The following CCDC3 variants were observed in gnomAD, a reference collection of about 807,000 sequenced individuals.
CCDC3 encodes coiled-coil domain containing 3.
Under a neutral mutation model 21.4 loss-of-function variants are expected in CCDC3, and 24 were observed. The ratio of observed to expected loss-of-function variants is 1.12; its 90% CI spans 0.81 to 1.58. The LOEUF (loss-of-function observed/expected upper bound fraction) is 1.58, where lower values mean the gene tolerates loss of function less well. Among genes scored for constraint, CCDC3 ranks in the 40% most tolerant of loss-of-function variants. The pLI is 0.00. For missense variants in CCDC3, 425 were observed against 360.9 expected (o/e 1.18, Z -1.44); for synonymous variants, 186 against 166.0 (o/e 1.12, Z -0.93).
At position 12,931,216 on chromosome 10, in the gene CCDC3, A is replaced by AAAG. The variant is rs1431275826; in HGVS notation, c.550-32538_550-32537insCTT. 6.6e-5 allele frequency among the ~76,000 whole-genome samples: 9 copies of AAAG among 136,972 alleles called. 1 individual carries two copies. Among genetic ancestry groups the AAAG allele is most frequent in the African/African-American group, 2.5e-4 (8 of 31,714 alleles). 89.9% of individuals were successfully genotyped at this position (136,972 alleles called of 152,430 possible). A position where few individuals can be genotyped will look rare whatever the true frequency, so the allele number is the denominator to read the frequency against. On this transcript the variant is annotated intron_variant, in intron 2 of 2. Coordinates refer to ENST00000378825, the MANE Select transcript of CCDC3 (RefSeq NM_031455.4). Reference sequence around the variant, plus strand: ...ACAGAGCAAGACTCTGTCAAAAAAAAAAAAAAAAAAAAAAAAAATTAAAGC... The same window carrying AAAG: ...ACAGAGCAAGACTCTGTCAAAAAAAAAAGAAAAAAAAAAAAAAAAAATTAAAGC...
chr10:12,918,551 C>G (rs1397713220), intron 2 of CCDC3, among the ~76,000 whole-genome samples: 1 of 152,194 alleles, frequency 6.6e-6, no homozygotes, highest in Non-Finnish European at 1.5e-5. Context: ...ATAAAAGTTG[C>G]ATTTCCCCTT....
intron 3 of CCDC3, among the ~76,000 whole-genome samples, chr10:13,094,242 AGAT>A (rs71386151): frequency 0.28 from 40,990 of 146,474 alleles, 5,728 homozygotes; most frequent in Middle Eastern, 0.39. Context: ...TTACTTTTCA[AGAT>A]GATGATGATG....
intron 3 of CCDC3, among the ~76,000 whole-genome samples, chr10:13,079,174 T>A (rs1022496416): frequency 2.6e-5 from 4 of 152,252 alleles, no homozygotes; most frequent in African/African-American, 9.6e-5. Context: ...AAGCATTCTG[T>A]TTTTGAATAA....
chr10:13,015,430 C>G (rs892114621), intron 5 of CCDC3, among the ~76,000 whole-genome samples: 2 of 152,048 alleles, frequency 1.3e-5, no homozygotes, highest in African/African-American at 4.8e-5. Context: ...TACCCTGGGT[C>G]TTCTGGCATT....
intron 2 of CCDC3, among the ~76,000 whole-genome samples, chr10:12,968,982 A>T (rs998912320): frequency 2.0e-5 from 3 of 152,198 alleles, no homozygotes; most frequent in African/African-American, 2.4e-5. Flanking sequence ...ACAAAATGGC[A>T]ATAGTACATC....
rs1834019803 is a variant in CCDC3, at chr10:12,897,572, T to G, written c.*844A>C. 6.6e-6 allele frequency: 1 copy of G among 152,162 alleles called. No homozygotes were observed. The highest frequency in any genetic ancestry group is 1.5e-5 in the Non-Finnish European group (1 of 68,028). The allele number at this position is 152,162 out of a possible 1,614,324, so 9.4% of individuals were successfully genotyped here. ...TCACAGCGTCTTGGAGCACCTCACT[T>G]TGAGTTCAGAGACATTAGAAACAAT... On this transcript the variant is annotated 3_prime_UTR_variant, in exon 3 of 3. Transcript: ENST00000378825.
At chr10:13,097,307 C>G (rs1470313566) in intron 3 of CCDC3, among the ~76,000 whole-genome samples, 1 of 152,182 alleles carries the variant, frequency 6.6e-6, no homozygotes, top group East Asian at 1.9e-4. Context: ...AGAACCGGCT[C>G]TAACACAAGC....
At chr10:12,968,431 C>A (rs2131262574) in intron 2 of CCDC3, among the ~76,000 whole-genome samples, 1 of 152,230 alleles carries the variant, frequency 6.6e-6, no homozygotes, top group East Asian at 1.9e-4. Flanking sequence ...CTTTTCCCAA[C>A]AAACAAAAGC....
At chr10:12,948,963 C>T (rs551413373) in intron 2 of CCDC3, among the ~76,000 whole-genome samples, 1 of 152,094 alleles carries the variant, frequency 6.6e-6, no homozygotes, top group African/African-American at 2.4e-5. Flanking sequence ...GATCTCCTGA[C>T]CTCGTGATCC....
rs186984929 is a variant in CCDC3, at chr10:13,025,765, G to C, written c.-2+23909C>G. Among the ~76,000 whole-genome samples the C allele has an allele frequency of 3.6e-3, 550 of 152,230 alleles. 3 individuals carry two copies. The highest frequency in any genetic ancestry group is 0.013 in the African/African-American group (529 of 41,506). ...TTTTGTAACTTGAGTCTCACTCTCA[G>C]ATCAAGAACACTTTGCAGAAAAGGA... On this transcript the variant is annotated intron_variant, in intron 5 of 6. Coordinates refer to the CCDC3 transcript ENST00000378839.
At chr10:12,931,497 G>C (rs972517102) in intron 2 of CCDC3, among the ~76,000 whole-genome samples, 2 of 152,192 alleles carry the variant, frequency 1.3e-5, no homozygotes, top group African/African-American at 4.8e-5. Context: ...TCTGAAAGGT[G>C]CAAGTGGAAG....
At chr10:13,020,994 A>C (rs1589042379) in intron 5 of CCDC3, among the ~76,000 whole-genome samples, 1 of 152,264 alleles carries the variant, frequency 6.6e-6, no homozygotes, top group South Asian at 2.1e-4. Flanking sequence ...GAATGAATCA[A>C]TATGTCCTGT....
In CCDC3 at chr10:12,949,487, C is replaced by T. The variant is rs565000170; in HGVS notation, c.549+48851G>A. Among the ~76,000 whole-genome samples the T allele has an allele frequency of 1.7e-4, 26 of 152,314 alleles. No homozygotes were observed. The East Asian group carries it at 4.8e-3, about 28-fold the overall frequency. ...CAGTGGAGCCACCCGATGGAGGGAT[C>T]TGACACTGTGGAGTTCCATTCCAGC... On this transcript the variant is annotated intron_variant, in intron 2 of 2. Transcript: ENST00000378825.
At chr10:12,987,293 C>T (rs943149513) in intron 2 of CCDC3, among the ~76,000 whole-genome samples, 4 of 152,296 alleles carry the variant, frequency 2.6e-5, no homozygotes, top group African/African-American at 9.6e-5. Flanking sequence ...TCTCCATAAC[C>T]CATGACACAG....
chr10:13,096,801 A>C (rs1328147103), intron 3 of CCDC3, among the ~76,000 whole-genome samples: 1 of 152,148 alleles, frequency 6.6e-6, no homozygotes, highest in Non-Finnish European at 1.5e-5. Context: ...CTGAGGCTTG[A>C]GTCCTTGATG....
chr10:13,013,585 A>T, intron 5 of CCDC3, among the ~76,000 whole-genome samples: 1 of 152,222 alleles, frequency 6.6e-6, no homozygotes. Context: ...ACAGATGGAG[A>T]ATCCTGGCAG....
At chr10:12,915,560 C>T (rs7903802) in intron 2 of CCDC3, among the ~76,000 whole-genome samples, 29,975 of 152,020 alleles carry the variant, frequency 0.2, 3,486 homozygotes, top group African/African-American at 0.32. Context: ...TTTTTGTGGC[C>T]ATAATTTGGT....
chr10:13,078,754 G>A (rs993527164), intron 3 of CCDC3, among the ~76,000 whole-genome samples: 5 of 151,860 alleles, frequency 3.3e-5, no homozygotes, highest in East Asian at 1.9e-4. Flanking sequence ...GCAAACCATC[G>A]CAAGGACAGA....
chr10:12,958,227 A>C (rs927431708), intron 2 of CCDC3, among the ~76,000 whole-genome samples: 21 of 152,190 alleles, frequency 1.4e-4, no homozygotes, highest in Non-Finnish European at 2.4e-4. Flanking sequence ...AACAAAAAAA[A>C]CCCAACAACC....
Sources: allele counts gnomAD v4.1 joint callset (sites outside exome capture counted in the v4.1 genomes callset), GRCh38; gene constraint gnomAD v4.1.1; transcripts MANE v1.5; gene names NCBI Gene and HGNC (gene_info 2026-07-23, HGNC 2026-07-21).